Variants in OFD1 observed in about 807,000 individuals in gnomAD.
OFD1 encodes OFD1 centriole and centriolar satellite protein, also known as centriole and centriolar satellite protein OFD1.
Under a neutral mutation model 81.4 loss-of-function variants are expected in OFD1, and 12 were observed. That is an observed-to-expected ratio of 0.15 (90% CI 0.09 to 0.24). OFD1 has a LOEUF of 0.24. Ranked by LOEUF, OFD1 falls within the 10% of genes least tolerant of loss-of-function variation. OFD1 has a pLI of 1.00. For synonymous variants in OFD1, 256 were observed against 263.7 expected (o/e 0.97, Z 0.28); for missense variants, 685 against 733.9 (o/e 0.93, Z 0.77).
downstream of OFD1, chrX:13,772,763 C>CA: frequency 1.6e-6 from 1 of 628,318 alleles, no homozygotes. Flanking sequence ...TTGAGACAGA[C>CA]AGTGAAGTGT....
At chrX:13,723,553 T>C in the OFD1 span, among the ~76,000 whole-genome samples, 2 of 111,805 alleles carry the variant, frequency 1.8e-5, no homozygotes, top group Non-Finnish European at 3.8e-5. Context: ...AATTCCAATA[T>C]ATAATACAGA....
chrX:13,728,940 A>T, the OFD1 span, among the ~76,000 whole-genome samples: 1 of 112,056 alleles, frequency 8.9e-6, no homozygotes, highest in African/African-American at 3.2e-5. Flanking sequence ...AATCACAAGC[A>T]TTCCTATACA....
At chrX:13,727,599 A>G in the OFD1 span, among the ~76,000 whole-genome samples, 1 of 112,477 alleles carries the variant, frequency 8.9e-6, no homozygotes, top group African/African-American at 3.2e-5. Context: ...CATTTAAAGC[A>G]GTGTGTAGAG....
chrX:13,767,500 A>G (rs1325173195), intron 20 of OFD1, among the ~76,000 whole-genome samples: 2 of 112,197 alleles, frequency 1.8e-5, no homozygotes, highest in Non-Finnish European at 3.8e-5. Context: ...TAGTTTTTGA[A>G]GGTAATTTTT....
chrX:13,715,861 G>T, the OFD1 span: 1 of 1,002,551 alleles, frequency 1.0e-6, no homozygotes, highest in South Asian at 2.8e-5. Flanking sequence ...CCTGCGGAGG[G>T]AGTTGCCAGA....
At chrX:13,734,081 C>T, upstream of OFD1, 1 of 514,459 alleles carries the variant, frequency 1.9e-6, no homozygotes, top group South Asian at 2.5e-5. Context: ...TACTCTAAAA[C>T]GTTTAGCTCT....
chrX:13,716,977 AGAAG>A, the OFD1 span, among the ~76,000 whole-genome samples: 1 of 100,701 alleles, frequency 9.9e-6, no homozygotes. Context: ...TCATGTTTCA[AGAAG>A]GAAGTTACCG....
chrX:13,767,248 G>C lies in OFD1; in HGVS notation c.2721G>C (p.Arg907Ser), dbSNP rs1291554223. 1.7e-6 allele frequency: 2 copies of C among 1,209,652 alleles called. No homozygotes were observed. Among genetic ancestry groups the C allele is most frequent in the African/African-American group, 3.5e-5 (2 of 57,178 alleles). Residue 907 changes from arginine to serine, a missense_variant, in exon 20 of 23, where the codon AGG becomes AGC. Physicochemically the swap from Arg to Ser is moderately radical, Grantham distance 110. Transcript: ENST00000340096. ...RQSNLQEVLE[R>S]ERRELEKLYQ... Reference sequence around the variant, plus strand: ...GTAACCTACAAGAAGTTTTAGAAAGGGAACGAAGAGAACTAGAAAAACTGT... The same window carrying C: ...GTAACCTACAAGAAGTTTTAGAAAGCGAACGAAGAGAACTAGAAAAACTGT...
At chrX:13,734,639 C>T (rs1039682813), upstream of OFD1, 11 of 883,866 alleles carry the variant, frequency 1.2e-5, no homozygotes, top group Non-Finnish European at 1.5e-5. Context: ...GGGATGTGCT[C>T]TCGCGATACG....
At chrX:13,773,022 G>A, downstream of OFD1, 1 of 1,209,857 alleles carries the variant, frequency 8.3e-7, no homozygotes, top group Non-Finnish European at 1.1e-6. Context: ...GTATCATGAG[G>A]AAGTGGATCT....
chrX:13,772,744 C>T, downstream of OFD1: 1 of 504,573 alleles, frequency 2.0e-6, no homozygotes, highest in Non-Finnish European at 3.1e-6. Context: ...AGAGATACAT[C>T]CCAGCAGCTT....
At chrX:13,767,403 TA>T in intron 20 of OFD1, 119 bp downstream of exon 20, 1 of 693,974 alleles carries the variant, frequency 1.4e-6, no homozygotes, top group Non-Finnish European at 2.3e-6. Flanking sequence ...GCAGATGCCT[TA>T]AAAGGCATCC....
chrX:13,716,390 G>A, the OFD1 span: 4 of 761,108 alleles, frequency 5.3e-6, no homozygotes, highest in South Asian at 2.6e-5. Context: ...CCTAAAAAAA[G>A]AAAAGTAGCC....
chrX:13,765,592 T>C (rs1436759526), intron 19 of OFD1, among the ~76,000 whole-genome samples: 1 of 110,881 alleles, frequency 9.0e-6, no homozygotes, highest in African/African-American at 3.3e-5. Flanking sequence ...CTGATCACTT[T>C]AGAACAAGGC....
the OFD1 span, among the ~76,000 whole-genome samples, chrX:13,729,174 A>G: frequency 8.9e-6 from 1 of 111,888 alleles, no homozygotes; most frequent in Non-Finnish European, 1.9e-5. Flanking sequence ...CATACTGCCC[A>G]AGGGTAATTT....
downstream of OFD1, chrX:13,772,767 G>A (rs2048324556): frequency 1.5e-6 from 1 of 651,420 alleles, no homozygotes; most frequent in Non-Finnish European, 2.3e-6. Context: ...GACAGACAGT[G>A]AAGTGTTTGT....
chrX:13,718,612 A>C, the OFD1 span, among the ~76,000 whole-genome samples: 1 of 112,524 alleles, frequency 8.9e-6, no homozygotes, highest in African/African-American at 3.2e-5. Context: ...TAGTGTTCTC[A>C]TAATATGAGA....
At chrX:13,762,721 GATTTTT>G (rs922218677) in intron 18 of OFD1, among the ~76,000 whole-genome samples, 2 of 112,270 alleles carry the variant, frequency 1.8e-5, no homozygotes, top group Non-Finnish European at 3.8e-5. Flanking sequence ...TTAAATAAGT[GATTTTT>G]ATTTATTTTT....
At chrX:13,720,037 A>G in the OFD1 span, 1 of 822,367 alleles carries the variant, frequency 1.2e-6, no homozygotes, top group Non-Finnish European at 1.7e-6. Context: ...AAATTAAAAA[A>G]TGACTAATGG....
Sources: gnomAD v4.1 joint callset for allele counts (sites outside exome capture counted in the v4.1 genomes callset) on GRCh38, gnomAD v4.1.1 for gene constraint, MANE v1.5 for transcripts, NCBI Gene and HGNC (gene_info 2026-07-23, HGNC 2026-07-21) for gene names.